Variants in MCF2 observed in about 807,000 individuals in gnomAD.
MCF2 encodes MCF.2 cell line derived transforming sequence, also known as proto-oncogene DBL.
Under a neutral mutation model 82.5 loss-of-function variants are expected in MCF2, and 44 were observed. That is an observed-to-expected ratio of 0.53 (90% CI 0.42 to 0.69). The LOEUF is 0.69. Among genes scored for constraint, MCF2 ranks in the 30% least tolerant of loss-of-function variants. The pLI is 0.00. For missense variants in MCF2, 623 were observed against 663.1 expected (o/e 0.94, Z 0.66); for synonymous variants, 217 against 224.9 (o/e 0.96, Z 0.32).
In MCF2 at chrX:139,621,871, T is replaced by C. The variant is rs758091839; in HGVS notation, c.688-2165A>G. 5.5e-3 allele frequency among the ~76,000 whole-genome samples: 609 copies of C among 110,615 alleles called. 4 individuals carry two copies. Among genetic ancestry groups the C allele is most frequent in the African/African-American group, 0.018 (545 of 30,371 alleles). ...AAGCAATGGCAACAAAAGCCAAAATTGACAAATGGGATCTAATTAAACTAA... is the reference window on the plus strand; with the variant it reads ...AAGCAATGGCAACAAAAGCCAAAATCGACAAATGGGATCTAATTAAACTAA... On this transcript the variant is annotated intron_variant, in intron 6 of 24. Transcript: ENST00000370576.
chrX:139,643,918 G>T (rs1933700094), upstream of MCF2, among the ~76,000 whole-genome samples: 1 of 111,680 alleles, frequency 9.0e-6, no homozygotes. Flanking sequence ...CGGGTGCAGT[G>T]TTGGCCAAAA....
chrX:139,621,675 T>C (rs1168207318), intron 6 of MCF2, among the ~76,000 whole-genome samples: 3 of 111,509 alleles, frequency 2.7e-5, no homozygotes, highest in Non-Finnish European at 5.7e-5. Context: ...TGGCTAGCCA[T>C]ATGTAGAAAG....
At chrX:139,650,254 T>G (rs922339946) in intron 2 of MCF2, among the ~76,000 whole-genome samples, 5 of 111,692 alleles carry the variant, frequency 4.5e-5, no homozygotes, top group African/African-American at 1.6e-4. Flanking sequence ...CTCAGGAGGC[T>G]GAGGTGGAAG....
At chrX:139,701,407 T>C (rs1457301044) in intron 1 of MCF2, among the ~76,000 whole-genome samples, 1 of 112,183 alleles carries the variant, frequency 8.9e-6, no homozygotes, top group Non-Finnish European at 1.9e-5. Flanking sequence ...CTACAGTCAG[T>C]TGACTTTAAA....
chrX:139,650,222 C>T (rs1426802269), intron 2 of MCF2, among the ~76,000 whole-genome samples: 1 of 111,480 alleles, frequency 9.0e-6, no homozygotes, highest in Non-Finnish European at 1.9e-5. Flanking sequence ...GGCGTGGTGG[C>T]ACACTCCTAT....
exon 9 of MCF2, chrX:139,616,458 C>A: frequency 9.1e-7 from 1 of 1,102,716 alleles, no homozygotes. Context: ...TCCCCTTCAT[C>A]ACAGCATTGA....
At chrX:139,607,736 G>A in exon 12 of MCF2, 1 of 1,205,749 alleles carries the variant, frequency 8.3e-7, no homozygotes, top group Non-Finnish European at 1.1e-6. Flanking sequence ...ACTGGAGGAT[G>A]GACCAGAACT....
intron 1 of MCF2, among the ~76,000 whole-genome samples, chrX:139,693,083 C>G (rs1406808805): frequency 3.6e-5 from 4 of 111,370 alleles, no homozygotes; most frequent in Non-Finnish European, 3.8e-5. Context: ...GCCCTGAACC[C>G]AAAGCACTCA....
At chrX:139,587,773 T>G in exon 22 of MCF2, 1 of 1,188,552 alleles carries the variant, frequency 8.4e-7, no homozygotes, top group Middle Eastern at 2.3e-4. Flanking sequence ...TTGATCCTGT[T>G]GCTTTCTTTT....
In MCF2 at chrX:139,635,513, C is replaced by T. The variant is rs764191767; in HGVS notation, c.52-3059G>A. On this transcript the variant is annotated intron_variant, in intron 1 of 24. Coordinates refer to ENST00000370576, the Ensembl canonical transcript of MCF2. Reference sequence around the variant, plus strand: ...TCTACTAAAAATACAAAAAATTAGCCGGGTGTGTTGGCACACGCCTGTGGT... The same window carrying T: ...TCTACTAAAAATACAAAAAATTAGCTGGGTGTGTTGGCACACGCCTGTGGT... 1.5e-3 allele frequency among the ~76,000 whole-genome samples: 163 copies of T among 109,961 alleles called. 1 individual carries two copies. The highest frequency in any genetic ancestry group is 5.0e-3 in the African/African-American group (152 of 30,182).
rs768055824 is a variant in MCF2 at position 139,617,758 on chromosome X, G to GA, written c.808-55dup. The GA allele has an allele frequency of 8.3e-4, 620 of 744,200 alleles. 2 individuals are homozygous for GA. The African/African-American group carries it at 0.013, about 15-fold the overall frequency. The allele number at this position is 744,200 out of a possible 1,213,427, so 61.3% of individuals were successfully genotyped here. The stretch of plus-strand genomic sequence containing the variant: ...AATACATGATCTCTGTTCCTATAGA[G>GA]AAAAAAAGAAGAAAATAATTAAGAA... On this transcript the variant is annotated intron_variant, in intron 7 of 24. Coordinates refer to ENST00000370576, the Ensembl canonical transcript of MCF2.
At chrX:139,624,791 A>G (rs1215928067) in intron 6 of MCF2, among the ~76,000 whole-genome samples, 1 of 111,752 alleles carries the variant, frequency 8.9e-6, no homozygotes, top group Non-Finnish European at 1.9e-5. Context: ...TGATAACTGT[A>G]CTATGGTTAT....
chrX:139,700,139 T>C (rs981388730), intron 1 of MCF2, among the ~76,000 whole-genome samples: 3 of 111,711 alleles, frequency 2.7e-5, no homozygotes, highest in African/African-American at 9.8e-5. Context: ...AACGAAGTTG[T>C]GATGGAGGAT....
intron 8 of MCF2, 31 bp from the exon 12 acceptor site, chrX:139,616,504 A>T (rs200351076): frequency 3.3e-4 from 285 of 860,896 alleles, no homozygotes; most frequent in South Asian, 5.4e-4. Flanking sequence ...AAAAAAAAAA[A>T]ATATGAATTA....
intron 1 of MCF2, among the ~76,000 whole-genome samples, chrX:139,666,209 CT>C (rs1338352173): frequency 0.011 from 1,083 of 100,511 alleles, 14 homozygotes; most frequent in African/African-American, 0.034. Context: ...TTCATTCATT[CT>C]TTTTTTTTTT....
chrX:139,671,336 G>T (rs1384434013), intron 1 of MCF2, among the ~76,000 whole-genome samples: 3 of 111,754 alleles, frequency 2.7e-5, no homozygotes, highest in African/African-American at 9.8e-5. Flanking sequence ...CATTTGTCAA[G>T]TTTGGCTTTT....
intron 3 of MCF2, 143 bp downstream of exon 6, chrX:139,631,252 T>C: frequency 2.4e-6 from 1 of 415,271 alleles, no homozygotes; most frequent in Non-Finnish European, 4.3e-6. Flanking sequence ...TTTATATGTA[T>C]GTGAAAAATG....
chrX:139,650,364 A>T (rs1038279787), intron 2 of MCF2, among the ~76,000 whole-genome samples: 1 of 110,466 alleles, frequency 9.1e-6, no homozygotes, highest in African/African-American at 3.3e-5. Flanking sequence ...TAAAAATAAT[A>T]ATAATGATAA....
intron 1 of MCF2, among the ~76,000 whole-genome samples, chrX:139,703,547 C>A (rs2148589078): frequency 9.0e-6 from 1 of 111,506 alleles, no homozygotes; most frequent in South Asian, 3.8e-4. Context: ...ACCAGCCTAG[C>A]CAACATGGTG....
Sources: allele counts gnomAD v4.1 joint callset (sites outside exome capture counted in the v4.1 genomes callset), GRCh38; gene constraint gnomAD v4.1.1; transcripts MANE v1.5; gene names NCBI Gene and HGNC (gene_info 2026-07-23, HGNC 2026-07-21).